The following TENM4 variants were observed in gnomAD, a reference collection of about 807,000 sequenced individuals.
The protein encoded by TENM4 is teneurin transmembrane protein 4.
TENM4 carries 82 observed loss-of-function variants against 243.3 expected under a neutral mutation model. That is an observed-to-expected ratio of 0.34 (90% confidence interval 0.28 to 0.40). The LOEUF is 0.40. Ranked by LOEUF, TENM4 falls within the 10% of genes least tolerant of loss-of-function variation. The pLI is 1.00. For synonymous variants in TENM4, 1,412 were observed against 1,456.3 expected, an observed-to-expected ratio of 0.97 and a Z score of 0.69; for missense variants, 3,138 against 3,673.3, an observed-to-expected ratio of 0.85 and a Z score of 3.77.
intron 6 of TENM4, among the ~76,000 whole-genome samples, chr11:79,002,698 T>A (rs563029043): frequency 6.6e-6 from 1 of 152,282 alleles, no homozygotes; most frequent in Non-Finnish European, 1.5e-5. Flanking sequence ...CCCACACAGA[T>A]GAGAAAGAAC....
chr11:78,774,237 C>T (rs1398068818), intron 17 of TENM4, among the ~76,000 whole-genome samples: 3 of 152,134 alleles, frequency 2.0e-5, no homozygotes, highest in Admixed American at 2.0e-4. Flanking sequence ...ATTGGATTTA[C>T]TTGTTTTAAG....
At chr11:79,141,000 T>C (rs72935313) in intron 4 of TENM4, among the ~76,000 whole-genome samples, 8,389 of 152,078 alleles carry the variant, frequency 0.055, 336 homozygotes, top group Non-Finnish European at 0.078. Context: ...AAGTACCAGG[T>C]TGCCTCCCTG....
At chr11:79,216,056 G>A (rs1203126302) in intron 2 of TENM4, 147 bp from the exon 3 acceptor site, 2 of 175,382 alleles carry the variant, frequency 1.1e-5, no homozygotes, top group African/African-American at 4.8e-5. Flanking sequence ...ATGAAGAGAA[G>A]AAAGTGGGGT....
chr11:79,047,422 T>C (rs1401426668), intron 6 of TENM4, among the ~76,000 whole-genome samples: 1 of 152,176 alleles, frequency 6.6e-6, no homozygotes, highest in Non-Finnish European at 1.5e-5. Flanking sequence ...TGTGCAGGAA[T>C]AAAAAATACA....
At chr11:78,686,240 A>G (rs1858666513) in intron 29 of TENM4, among the ~76,000 whole-genome samples, 1 of 152,144 alleles carries the variant, frequency 6.6e-6, no homozygotes, top group Non-Finnish European at 1.5e-5. Flanking sequence ...AAGGCCCAAG[A>G]AGACAGAGTT....
chr11:79,402,854 G>C (rs1858490286), intron 1 of TENM4, among the ~76,000 whole-genome samples: 1 of 152,152 alleles, frequency 6.6e-6, no homozygotes, highest in African/African-American at 2.4e-5. Context: ...GTAGACACTA[G>C]CATATCATTC....
At chr11:79,130,208 C>T (rs1197870679) in intron 4 of TENM4, among the ~76,000 whole-genome samples, 2 of 152,150 alleles carry the variant, frequency 1.3e-5, no homozygotes, top group South Asian at 2.1e-4. Context: ...ATCAAGGGAA[C>T]ACCCTGTGGG....
chr11:79,140,072 C>A (rs1487786498), intron 4 of TENM4, among the ~76,000 whole-genome samples: 1 of 151,674 alleles, frequency 6.6e-6, no homozygotes, highest in African/African-American at 2.4e-5. Flanking sequence ...CAGAGCCCTT[C>A]ACATCTGCCC....
intron 4 of TENM4, among the ~76,000 whole-genome samples, chr11:79,118,681 A>C (rs1231820725): frequency 6.6e-6 from 1 of 152,170 alleles, no homozygotes; most frequent in Non-Finnish European, 1.5e-5. Context: ...GGCTTATTTC[A>C]CTTACATAAT....
At chr11:79,341,297 C>T (rs1315658717) in intron 1 of TENM4, among the ~76,000 whole-genome samples, 2 of 152,188 alleles carry the variant, frequency 1.3e-5, no homozygotes, top group Admixed American at 6.5e-5. Flanking sequence ...GCAGGGTTCC[C>T]TCTGCCTCCT....
chr11:78,833,601 T>C (rs1858029896), intron 12 of TENM4, among the ~76,000 whole-genome samples: 1 of 152,186 alleles, frequency 6.6e-6, no homozygotes. Flanking sequence ...GTCAGGTTGT[T>C]TTCCAGGCCT....
At chr11:78,874,403 C>T (rs1239831973) in intron 9 of TENM4, among the ~76,000 whole-genome samples, 4 of 152,034 alleles carry the variant, frequency 2.6e-5, no homozygotes, top group East Asian at 1.9e-4. Flanking sequence ...TGAAAGAACA[C>T]CCAAATGTCC....
intron 2 of TENM4, among the ~76,000 whole-genome samples, chr11:79,244,976 G>A (rs532992904): frequency 6.6e-6 from 1 of 152,138 alleles, no homozygotes; most frequent in Non-Finnish European, 1.5e-5. Context: ...GGATTTAGAG[G>A]TTACCTCCTT....
At chr11:79,087,801 CCT>C (rs1310714088) in intron 4 of TENM4, among the ~76,000 whole-genome samples, 2 of 152,180 alleles carry the variant, frequency 1.3e-5, no homozygotes, top group East Asian at 3.9e-4. Flanking sequence ...CTGAGGAGGC[CCT>C]GTTTGCCTTC....
intron 1 of TENM4, among the ~76,000 whole-genome samples, chr11:79,426,964 T>C (rs911346786): frequency 1.3e-5 from 2 of 152,100 alleles, no homozygotes; most frequent in African/African-American, 2.4e-5. Flanking sequence ...ATGGCCTAGA[T>C]CAATCTTAAT....
intron 4 of TENM4, among the ~76,000 whole-genome samples, chr11:79,075,205 C>T (rs142630012): frequency 4.6e-5 from 7 of 152,344 alleles, no homozygotes; most frequent in Non-Finnish European, 8.8e-5. Context: ...CTCTGTGAAT[C>T]GGTCCCATTT....
intron 2 of TENM4, among the ~76,000 whole-genome samples, chr11:79,259,314 C>A (rs1565272595): frequency 6.6e-6 from 1 of 152,182 alleles, no homozygotes; most frequent in Non-Finnish European, 1.5e-5. Flanking sequence ...ACACTGTTTC[C>A]TCCACCTATC....
At chr11:78,954,823 A>G (rs1857175527) in intron 6 of TENM4, among the ~76,000 whole-genome samples, 1 of 152,262 alleles carries the variant, frequency 6.6e-6, no homozygotes, top group Non-Finnish European at 1.5e-5. Flanking sequence ...ACAGACTAAG[A>G]CAGTGACACA....
At chr11:79,053,036 T>G (rs1359438461) in intron 6 of TENM4, among the ~76,000 whole-genome samples, 1 of 152,238 alleles carries the variant, frequency 6.6e-6, no homozygotes, top group Admixed American at 6.5e-5. Context: ...TTTTAATCTT[T>G]GCCTCAGCTC....
Sources: allele counts gnomAD v4.1 joint callset (sites outside exome capture counted in the v4.1 genomes callset), GRCh38; gene constraint gnomAD v4.1.1; transcripts MANE v1.5; gene names NCBI Gene and HGNC (gene_info 2026-07-23, HGNC 2026-07-21).